RAB11FIP3: variants seen among roughly 807,000 people sequenced by gnomAD.
RAB11FIP3 encodes RAB11 family interacting protein 3.
RAB11FIP3 carries 17 observed loss-of-function variants against 77.8 expected under a neutral mutation model. The observed-to-expected ratio is 0.22, with a 90% CI of 0.15 to 0.33. The LOEUF is 0.33. Ranked by LOEUF, RAB11FIP3 falls within the 10% of genes least tolerant of loss-of-function variation. The pLI, the probability that RAB11FIP3 is intolerant of heterozygous loss-of-function variation, is 1.00. For missense variants in RAB11FIP3, 1,005 were observed against 1,011.2 expected, an observed-to-expected ratio of 0.99 and a Z score of 0.08; for synonymous variants, 437 against 448.2, an observed-to-expected ratio of 0.98 and a Z score of 0.31.
At chr16:437,837 G>T (rs571959931) in intron 1 of RAB11FIP3, among the ~76,000 whole-genome samples, 1 of 152,158 alleles carries the variant, frequency 6.6e-6, no homozygotes, top group African/African-American at 2.4e-5. Flanking sequence ...CTGTTGCCCA[G>T]GCTGGAGTGC....
rs1038268756 is a variant in RAB11FIP3 at position 505,520 on chromosome 16, C to T, written c.1396-4C>T. 11 of 1,606,768 alleles carry T rather than the reference C, an allele frequency of 6.8e-6. No homozygotes were observed. In the African/African-American group the frequency reaches 1.2e-4, roughly 18 times the overall value. On this transcript the variant is annotated splice_polypyrimidine_tract_variant and splice_region_variant and intron_variant, in intron 7 of 13. Transcript: ENST00000262305. The surrounding 1 kb of genome is among the most constrained non-coding windows in gnomAD (Gnocchi z 4.0). ...TGACCCTGAAGCCTGGTCTCATTGC[C>T]AAGGTTGTCTTCCTGGAAAGGCGTG...
intron 2 of RAB11FIP3, among the ~76,000 whole-genome samples, chr16:466,894 C>T (rs528634245): frequency 7.7e-4 from 118 of 152,266 alleles, no homozygotes; most frequent in African/African-American, 2.7e-3. Context: ...CATCGTGAGC[C>T]GGCCAGGGCT....
At position 446,760 on chromosome 16, in the gene RAB11FIP3, A is replaced by T. The variant is rs555482339; in HGVS notation, c.715-14644A>T. 1.7e-3 allele frequency among the ~76,000 whole-genome samples: 250 copies of T among 151,504 alleles called. 3 individuals are homozygous for T. Among genetic ancestry groups the T allele is most frequent in the African/African-American group, 5.4e-3 (223 of 41,266 alleles). ...GCCCAGGCTGGAGTGCAGTGGCGTG[A>T]TCTCAGCTCACTGCAACCTCCGCCT... On this transcript the variant is annotated intron_variant, in intron 1 of 13. Transcript: ENST00000262305.
intron 1 of RAB11FIP3, chr16:453,525 G>C (rs1449510264): frequency 6.6e-6 from 1 of 151,490 alleles, no homozygotes; most frequent in African/African-American, 2.4e-5. Flanking sequence ...CAGGGAAAGC[G>C]AGTCGGTTCC....
At chr16:459,236 C>T (rs1164130511) in intron 1 of RAB11FIP3, among the ~76,000 whole-genome samples, 1 of 150,824 alleles carries the variant, frequency 6.6e-6, no homozygotes, top group Non-Finnish European at 1.5e-5. Context: ...AAGCAATTCT[C>T]CCGCCTCAGC....
intron 1 of RAB11FIP3, among the ~76,000 whole-genome samples, chr16:447,246 A>G (rs2055331966): frequency 6.6e-6 from 1 of 152,116 alleles, no homozygotes; most frequent in Non-Finnish European, 1.5e-5. Context: ...TTGAGGCTTC[A>G]GTGAGCTATG....
intron 1 of RAB11FIP3, among the ~76,000 whole-genome samples, chr16:435,678 T>C (rs956157767): frequency 2.0e-5 from 3 of 152,212 alleles, no homozygotes; most frequent in Non-Finnish European, 4.4e-5. Context: ...TTACTGATTT[T>C]GATTATTTTG....
intron 1 of RAB11FIP3, among the ~76,000 whole-genome samples, chr16:445,910 A>G (rs1427642152): frequency 6.6e-6 from 1 of 152,120 alleles, no homozygotes; most frequent in Non-Finnish European, 1.5e-5. Context: ...CTCCAGGTAC[A>G]GGTGTTCTCT....
chr16:463,136 C>T (rs1221945222), intron 2 of RAB11FIP3, among the ~76,000 whole-genome samples: 4 of 152,128 alleles, frequency 2.6e-5, no homozygotes, highest in South Asian at 4.1e-4. Flanking sequence ...GTCCGTCTTA[C>T]GTCAAGTTCT....
intron 1 of RAB11FIP3, among the ~76,000 whole-genome samples, chr16:428,736 A>G (rs546701769): frequency 2.6e-5 from 4 of 152,232 alleles, no homozygotes; most frequent in Admixed American, 1.3e-4. Flanking sequence ...TTGTGATAAT[A>G]TCTTACTGAC....
intron 2 of RAB11FIP3, among the ~76,000 whole-genome samples, chr16:465,249 C>T (rs536315091): frequency 1.8e-4 from 27 of 152,180 alleles, no homozygotes; most frequent in African/African-American, 6.0e-4. Context: ...CCCGGGGACC[C>T]CCAGAACTGG....
chr16:513,636 C>T (rs955425508), intron 9 of RAB11FIP3, among the ~76,000 whole-genome samples: 1 of 152,220 alleles, frequency 6.6e-6, no homozygotes, highest in African/African-American at 2.4e-5. Context: ...TTTTGAAATA[C>T]AGTAGTTTTA....
chr16:437,818 T>TGTCTC (rs2055156427), intron 1 of RAB11FIP3, among the ~76,000 whole-genome samples: 1 of 152,110 alleles, frequency 6.6e-6, no homozygotes, highest in South Asian at 2.1e-4. Flanking sequence ...TTTGAGACAG[T>TGTCTC]GTCTCGCTCT....
intron 4 of RAB11FIP3, among the ~76,000 whole-genome samples, chr16:485,757 CTTTTA>C (rs1172305313): frequency 6.6e-5 from 10 of 152,154 alleles, no homozygotes; most frequent in Admixed American, 6.5e-4. Flanking sequence ...ATCCATTTTT[CTTTTA>C]TGTTTATTAG....
In RAB11FIP3 at chr16:520,372, T is replaced by A; in HGVS notation, c.2017-87T>A. 3 of 1,589,608 alleles carry A rather than the reference T, an allele frequency of 1.9e-6. No individual in the cohort carries two copies. In the South Asian group the frequency reaches 3.4e-5, roughly 18 times the overall value. ...GGCCGTGGAGGGTCAGCATCTGAGC[T>A]GGAGGCCTTTTTCCCCGGGCAGTCC... On this transcript the variant is annotated intron_variant, in intron 12 of 13. Transcript: ENST00000262305.
intron 5 of RAB11FIP3, among the ~76,000 whole-genome samples, chr16:492,671 C>T (rs2030681544): frequency 6.6e-6 from 1 of 152,228 alleles, no homozygotes; most frequent in African/African-American, 2.4e-5. Context: ...GCCATTTGTT[C>T]TTCCCACGCA....
chr16:511,450 T>C (rs1421440141), intron 9 of RAB11FIP3, among the ~76,000 whole-genome samples: 33 of 68,684 alleles, frequency 4.8e-4, no homozygotes, highest in South Asian at 1.2e-3. Context: ...TCCCCGACAG[T>C]CCGCCAACCC....
intron 6 of RAB11FIP3, 175 bp from the exon 7 acceptor site, chr16:502,829 C>G: frequency 1.6e-6 from 1 of 615,100 alleles, no homozygotes; most frequent in South Asian, 2.0e-5. Context: ...AGCCTGGGAC[C>G]TCCCCCTGTA....
chr16:472,526 C>T lies in RAB11FIP3; in HGVS notation c.903+1137C>T, dbSNP rs774479200. Among the ~76,000 whole-genome samples, 2 of 152,200 alleles carry T rather than the reference C, an allele frequency of 1.3e-5. No individual in the cohort carries two copies. The highest frequency in any genetic ancestry group is 2.9e-5 in the Non-Finnish European group (2 of 68,040). ...GAGACCCCAGGACTACAGACGGTGGCTCCTGTGCCCTGAGAAGGACCCGGC... is the reference window on the plus strand; with the variant it reads ...GAGACCCCAGGACTACAGACGGTGGTTCCTGTGCCCTGAGAAGGACCCGGC... On this transcript the variant is annotated intron_variant, in intron 3 of 13. Transcript: ENST00000262305. This position sits in a 1 kb window ranked among gnomAD's most constrained non-coding sequence, Gnocchi z 4.1.
Sources: allele counts gnomAD v4.1 joint callset (sites outside exome capture counted in the v4.1 genomes callset), GRCh38; gene constraint gnomAD v4.1.1; non-coding constraint Gnocchi (gnomAD v3.1); transcripts MANE v1.5; gene names NCBI Gene and HGNC (gene_info 2026-07-23, HGNC 2026-07-21).